Variants in LARGE1 observed in about 807,000 individuals in gnomAD.
LARGE1 encodes the protein LARGE xylosyl- and glucuronyltransferase 1, also known as xylosyl- and glucuronyltransferase LARGE1.
A neutral mutation model predicts 87.6 loss-of-function variants in LARGE1; 43 were observed. That is an observed-to-expected ratio of 0.49 (90% confidence interval 0.38 to 0.63). LARGE1 has a LOEUF of 0.63. Among genes scored for constraint, LARGE1 ranks in the 30% least tolerant of loss-of-function variants. LARGE1 has a pLI of 0.00. For missense variants in LARGE1, 802 were observed against 1,000.2 expected (o/e 0.80, Z 2.67); for synonymous variants, 434 against 394.6 (o/e 1.10, Z -1.18).
At chr22:33,084,976 C>A in the LARGE1 span, among the ~76,000 whole-genome samples, 2 of 152,148 alleles carry the variant, frequency 1.3e-5, no homozygotes, top group East Asian at 1.9e-4. Flanking sequence ...AAAGCATATT[C>A]TCAAAAACAG....
chr22:33,590,416 GAAA>G (rs899244558), intron 5 of LARGE1, among the ~76,000 whole-genome samples: 1 of 152,004 alleles, frequency 6.6e-6, no homozygotes, highest in African/African-American at 2.4e-5. Flanking sequence ...CATTCTTCGA[GAAA>G]AAAATCTTAC....
chr22:33,916,002 C>T (rs1000801705), intron 1 of LARGE1, among the ~76,000 whole-genome samples: 6 of 152,058 alleles, frequency 3.9e-5, no homozygotes, highest in Admixed American at 6.6e-5. Flanking sequence ...GAATGTCTGG[C>T]CCGGGCACGG....
At chr22:33,247,083 GTGTT>G in intron 11 of LARGE1, among the ~76,000 whole-genome samples, 1 of 122,126 alleles carries the variant, frequency 8.2e-6, no homozygotes, top group East Asian at 2.4e-4. Flanking sequence ...GTGTGTGTGT[GTGTT>G]GTATCTTTTC....
At chr22:33,780,485 G>A (rs419898) in intron 1 of LARGE1, among the ~76,000 whole-genome samples, 134,586 of 152,242 alleles carry the variant, frequency 0.88, 59,534 homozygotes, top group East Asian at 0.97. Flanking sequence ...TGGACAGCAC[G>A]GTCTTGACAG....
the LARGE1 span, among the ~76,000 whole-genome samples, chr22:33,074,015 T>C: frequency 6.6e-6 from 1 of 152,266 alleles, no homozygotes; most frequent in African/African-American, 2.4e-5. Flanking sequence ...CTTAAACTCA[T>C]CCGGGCTTAT....
chr22:33,451,700 A>G (rs1251860420), intron 6 of LARGE1, among the ~76,000 whole-genome samples: 1 of 151,220 alleles, frequency 6.6e-6, no homozygotes, highest in Non-Finnish European at 1.5e-5. Context: ...CTGGGATTAC[A>G]GGCACGCACC....
At chr22:33,570,865 C>G (rs562505518) in intron 5 of LARGE1, among the ~76,000 whole-genome samples, 6 of 152,054 alleles carry the variant, frequency 3.9e-5, no homozygotes, top group African/African-American at 1.4e-4. Flanking sequence ...TCAGTCCAAC[C>G]AGGAACTTCT....
intron 9 of LARGE1, among the ~76,000 whole-genome samples, chr22:33,339,910 C>T (rs9680620): frequency 0.011 from 1,661 of 152,246 alleles, 33 homozygotes; most frequent in African/African-American, 0.037. Flanking sequence ...AAGTGATCCT[C>T]CCACCTTGGC....
At chr22:33,658,802 A>AT (rs1189949870) in intron 2 of LARGE1, among the ~76,000 whole-genome samples, 6 of 152,174 alleles carry the variant, frequency 3.9e-5, no homozygotes, top group Non-Finnish European at 8.8e-5. Context: ...GGTTTTCAGC[A>AT]TTTTTAAAAA....
At chr22:33,695,096 C>G (rs932255492) in intron 2 of LARGE1, among the ~76,000 whole-genome samples, 2 of 141,656 alleles carry the variant, frequency 1.4e-5, no homozygotes, top group Non-Finnish European at 3.1e-5. Context: ...GTAATTTTTT[C>G]TTTCTTTCTT....
intron 2 of LARGE1, among the ~76,000 whole-genome samples, chr22:33,675,726 TCCAATAA>T (rs1467050483): frequency 6.6e-6 from 1 of 152,120 alleles, no homozygotes; most frequent in African/African-American, 2.4e-5. Flanking sequence ...TAAATAACTC[TCCAATAA>T]CCACTCCCCT....
chr22:33,624,234 A>G (rs1209304839), intron 4 of LARGE1, among the ~76,000 whole-genome samples: 2 of 152,166 alleles, frequency 1.3e-5, no homozygotes, highest in East Asian at 3.8e-4. Flanking sequence ...AGCATGTAAT[A>G]CGTGTCAGCT....
intron 6 of LARGE1, among the ~76,000 whole-genome samples, chr22:33,539,986 T>C (rs1032277713): frequency 1.7e-4 from 26 of 152,198 alleles, no homozygotes; most frequent in African/African-American, 5.3e-4. Context: ...CTCAGATGCC[T>C]GTGGGGGCTC....
chr22:33,311,432 G>A (rs113354144), intron 11 of LARGE1, among the ~76,000 whole-genome samples: 28 of 152,332 alleles, frequency 1.8e-4, no homozygotes, highest in African/African-American at 6.3e-4. Flanking sequence ...CTACTTGTTT[G>A]CAAATTCCAG....
intron 11 of LARGE1, among the ~76,000 whole-genome samples, chr22:33,251,879 TACC>T (rs1927023768): frequency 6.6e-6 from 1 of 152,206 alleles, no homozygotes; most frequent in Non-Finnish European, 1.5e-5. Flanking sequence ...TATGGTGATC[TACC>T]CAGTTGAGTG....
intron 6 of LARGE1, among the ~76,000 whole-genome samples, chr22:33,519,235 C>T (rs9609815): frequency 0.14 from 21,313 of 149,294 alleles, 1,541 homozygotes; most frequent in East Asian, 0.19. Flanking sequence ...CGTGCGCGCG[C>T]GTGTGTGTGT....
chr22:33,499,010 A>C (rs2070302152), intron 6 of LARGE1, among the ~76,000 whole-genome samples: 1 of 152,140 alleles, frequency 6.6e-6, no homozygotes, highest in Non-Finnish European at 1.5e-5. Flanking sequence ...AATTTAAAAA[A>C]AAATTGAAAT....
chr22:33,556,379 C>A (rs917595708), intron 6 of LARGE1, among the ~76,000 whole-genome samples: 3 of 151,928 alleles, frequency 2.0e-5, no homozygotes, highest in African/African-American at 7.3e-5. Context: ...ATATTAGCAA[C>A]AGGAGGGTAG....
chr22:33,255,904 AT>A (rs1281252142), intron 11 of LARGE1, among the ~76,000 whole-genome samples: 14 of 152,156 alleles, frequency 9.2e-5, no homozygotes, highest in African/African-American at 3.4e-4. Context: ...TCAAGTTCAT[AT>A]TTCACTTCCC....
Sources: gnomAD v4.1 joint callset for allele counts (sites outside exome capture counted in the v4.1 genomes callset) on GRCh38, gnomAD v4.1.1 for gene constraint, MANE v1.5 for transcripts, NCBI Gene and HGNC (gene_info 2026-07-23, HGNC 2026-07-21) for gene names.